The following SLC4A4 variants were observed in gnomAD, a reference collection of about 807,000 sequenced individuals.
The protein encoded by SLC4A4 is solute carrier family 4 member 4.
Under a neutral mutation model 111.5 loss-of-function variants are expected in SLC4A4, and 27 were observed. That is an observed-to-expected ratio of 0.24 (90% CI 0.18 to 0.33). The LOEUF is 0.33. SLC4A4 is among the 10% of genes least tolerant of loss of function. The pLI, the probability that SLC4A4 is intolerant of heterozygous loss-of-function variation, is 1.00. For synonymous variants in SLC4A4, 443 were observed against 463.4 expected (o/e 0.96, Z 0.57); for missense variants, 909 against 1,315.5 (o/e 0.69, Z 4.78).
chr4:71,248,461 T>C (rs1052600335), intron 2 of SLC4A4, among the ~76,000 whole-genome samples: 6 of 151,182 alleles, frequency 4.0e-5, no homozygotes, highest in Non-Finnish European at 8.8e-5. Context: ...TATATAGATA[T>C]AGATACATTT....
At chr4:71,164,967 G>C (rs1744704205) in intron 2 of SLC4A4, among the ~76,000 whole-genome samples, 1 of 152,156 alleles carries the variant, frequency 6.6e-6, no homozygotes, top group South Asian at 2.1e-4. Context: ...CATCATCACT[G>C]GTCATTAGAG....
chr4:71,518,861 G>A (rs1732655406), intron 16 of SLC4A4, among the ~76,000 whole-genome samples: 2 of 152,098 alleles, frequency 1.3e-5, no homozygotes, highest in African/African-American at 2.4e-5. Context: ...TAGAGTCTGG[G>A]GTTCTCTACC....
At chr4:71,547,766 T>C (rs1252288578) in intron 20 of SLC4A4, 46 bp downstream of exon 20, 2 of 1,459,302 alleles carry the variant, frequency 1.4e-6, no homozygotes, top group African/African-American at 2.8e-5. Context: ...AACACTGACA[T>C]ATAATTGGAC....
intron 4 of SLC4A4, among the ~76,000 whole-genome samples, chr4:71,349,468 A>C (rs1271712965): frequency 6.6e-6 from 1 of 152,218 alleles, no homozygotes; most frequent in Non-Finnish European, 1.5e-5. Context: ...ATATTGGTTC[A>C]TCACTGATAT....
chr4:71,419,691 C>G (rs545681691), intron 7 of SLC4A4, among the ~76,000 whole-genome samples: 4 of 152,186 alleles, frequency 2.6e-5, no homozygotes, highest in African/African-American at 4.8e-5. Context: ...GTGCACGGTG[C>G]GCTGCACCTA....
chr4:71,097,704 T>A (rs1742598881), intron 2 of SLC4A4, among the ~76,000 whole-genome samples: 1 of 152,216 alleles, frequency 6.6e-6, no homozygotes, highest in Non-Finnish European at 1.5e-5. Context: ...TTTGACTTTT[T>A]AATAATAACC....
Position 71,557,335 on chromosome 4 carries a change from A to G in SLC4A4, c.2764-377A>G, listed in dbSNP as rs76890455. On this transcript the variant is annotated intron_variant, in intron 21 of 25. Transcript: ENST00000264485. ...TCAGATAAGACAACTGAGGCAGAGT[A>G]AGATACATGAGCTAGACATCTTCCT... Among the ~76,000 whole-genome samples the G allele has an allele frequency of 4.3e-4, 66 of 152,076 alleles. 1 individual carries two copies. The East Asian group carries it at 0.011, about 26-fold the overall frequency.
intron 7 of SLC4A4, among the ~76,000 whole-genome samples, chr4:71,422,366 G>A (rs1208559987): frequency 1.4e-5 from 2 of 145,570 alleles, no homozygotes; most frequent in African/African-American, 5.2e-5. Flanking sequence ...ACCAAAAAGA[G>A]TCCAGGACCA....
rs28405440 is a variant in SLC4A4, at chr4:71,275,708, G to A, written c.253+20309G>A. Among the ~76,000 whole-genome samples the A allele has an allele frequency of 8.8e-4, 134 of 152,380 alleles. No homozygotes were observed. In the South Asian group the frequency reaches 0.012, roughly 13 times the overall value. Reference sequence around the variant, plus strand: ...TGATTTGGCCAAGGTGGCACAAACAGTTAACTTAGGCCTTCGGCCCTCAAG... The same window carrying A: ...TGATTTGGCCAAGGTGGCACAAACAATTAACTTAGGCCTTCGGCCCTCAAG... On this transcript the variant is annotated intron_variant, in intron 3 of 25. Coordinates refer to ENST00000264485, the MANE Select transcript of SLC4A4 (RefSeq NM_001098484.3).
intron 2 of SLC4A4, among the ~76,000 whole-genome samples, chr4:71,155,554 C>T (rs1327065479): frequency 6.6e-6 from 1 of 152,098 alleles, no homozygotes; most frequent in Non-Finnish European, 1.5e-5. Context: ...CCTTGAACTC[C>T]TGGGTTCAAG....
intron 1 of SLC4A4, among the ~76,000 whole-genome samples, chr4:71,188,787 T>A (rs188805751): frequency 3.3e-5 from 5 of 152,362 alleles, no homozygotes; most frequent in Admixed American, 3.3e-4. Flanking sequence ...CATATTAGCA[T>A]GTAAATAATT....
At chr4:71,402,947 T>C (rs1720502106) in intron 7 of SLC4A4, among the ~76,000 whole-genome samples, 1 of 152,236 alleles carries the variant, frequency 6.6e-6, no homozygotes, top group Non-Finnish European at 1.5e-5. Flanking sequence ...TCTTAAAGCT[T>C]AAACAGTTGA....
In SLC4A4 at chr4:71,484,382, T is replaced by C. The variant is rs182288420; in HGVS notation, c.1904-2566T>C. On this transcript the variant is annotated intron_variant, in intron 14 of 25. Transcript: ENST00000264485. ...ATAAGGAAGAGGTCCAGTTTCAATT[T>C]TCTGCTTATGATCAGCCAGTTATCC... is the stretch of plus-strand genomic sequence containing the variant. 2.8e-4 allele frequency among the ~76,000 whole-genome samples: 43 copies of C among 152,052 alleles called. 1 individual carries two copies. Among genetic ancestry groups the C allele is most frequent in the Admixed American group, 2.8e-3 (43 of 15,226 alleles).
intron 8 of SLC4A4, among the ~76,000 whole-genome samples, chr4:71,442,632 A>G (rs1724835007): frequency 6.6e-6 from 1 of 152,160 alleles, no homozygotes; most frequent in Admixed American, 6.5e-5. Context: ...ATTTCATGAT[A>G]TGTTTTAATG....
intron 12 of SLC4A4, among the ~76,000 whole-genome samples, chr4:71,458,042 TGG>T (rs778191739): frequency 6.0e-4 from 92 of 152,260 alleles, no homozygotes; most frequent in Middle Eastern, 6.8e-3. Context: ...GATCTGCAGT[TGG>T]TTGAATCCAC....
chr4:71,140,812 C>G (rs1035472455), intron 2 of SLC4A4, among the ~76,000 whole-genome samples: 51 of 152,304 alleles, frequency 3.3e-4, no homozygotes, highest in African/African-American at 1.2e-3. Flanking sequence ...AAGATACCAC[C>G]TATCATCTCT....
At chr4:71,094,433 G>C (rs77835493) in intron 2 of SLC4A4, among the ~76,000 whole-genome samples, 1 of 92,770 alleles carries the variant, frequency 1.1e-5, no homozygotes, top group African/African-American at 3.8e-5. Flanking sequence ...TTATAAATAG[G>C]CCTCCTGCTT....
At chr4:71,298,804 G>A (rs998763085) in intron 3 of SLC4A4, among the ~76,000 whole-genome samples, 4 of 152,212 alleles carry the variant, frequency 2.6e-5, no homozygotes, top group Admixed American at 2.0e-4. Flanking sequence ...TGATGAGTTG[G>A]GATTTGGTTT....
chr4:71,360,094 TAAAAC>T (rs1167764223), intron 6 of SLC4A4, among the ~76,000 whole-genome samples: 4 of 152,182 alleles, frequency 2.6e-5, no homozygotes, highest in African/African-American at 9.7e-5. Context: ...ATAATTATAT[TAAAAC>T]AAAGATAACG....
Sources: gnomAD v4.1 joint callset for allele counts (sites outside exome capture counted in the v4.1 genomes callset) on GRCh38, gnomAD v4.1.1 for gene constraint, MANE v1.5 for transcripts, NCBI Gene and HGNC (gene_info 2026-07-23, HGNC 2026-07-21) for gene names.